Variants in TRIP4 observed in about 807,000 individuals in gnomAD.
The protein encoded by TRIP4 is thyroid hormone receptor interactor 4.
Under a neutral mutation model 81.8 loss-of-function variants are expected in TRIP4, and 54 were observed. The observed-to-expected ratio is 0.66, with a 90% CI of 0.53 to 0.83. TRIP4 has a LOEUF of 0.83. TRIP4 is among the 40% of genes least tolerant of loss of function. TRIP4 has a pLI of 0.00. For missense variants in TRIP4, 662 were observed against 683.6 expected, an observed-to-expected ratio of 0.97 and a Z score of 0.35; for synonymous variants, 270 against 242.8, an observed-to-expected ratio of 1.11 and a Z score of -1.04.
In TRIP4 at chr15:64,387,969, G is replaced by C; in HGVS notation, c.101+5G>C. 1 of 1,548,604 alleles carries C rather than the reference G, an allele frequency of 6.5e-7. No homozygotes were observed. The highest frequency in any genetic ancestry group is 8.7e-7 in the Non-Finnish European group (1 of 1,145,326). ...TGTCAGCGAGGAGATCATTCAGTGA[G>C]AACAGTTCGGGTCCAAGCGGGGAAG... On this transcript the variant is annotated splice_donor_5th_base_variant and intron_variant, in intron 1 of 12. Coordinates refer to ENST00000261884, the MANE Select transcript of TRIP4 (RefSeq NM_016213.5).
intron 9 of TRIP4, among the ~76,000 whole-genome samples, chr15:64,422,057 A>T (rs1350832151): frequency 1.3e-5 from 2 of 151,992 alleles, no homozygotes; most frequent in Non-Finnish European, 2.9e-5. Flanking sequence ...AAGAGGCTAT[A>T]CCATAGCCTA....
intron 1 of TRIP4, among the ~76,000 whole-genome samples, chr15:64,391,970 C>CAAA (rs35193532): frequency 9.5e-4 from 22 of 23,228 alleles, no homozygotes; most frequent in East Asian, 1.5e-3. Context: ...GACTCTGTCT[C>CAAA]AAAAAAAAAA....
chr15:64,414,807 G>C (rs543349874), intron 8 of TRIP4, among the ~76,000 whole-genome samples: 1 of 152,032 alleles, frequency 6.6e-6, no homozygotes, highest in South Asian at 2.1e-4. Flanking sequence ...GGTTTTATAG[G>C]GAAGCTGGCA....
At chr15:64,429,325 ATAAAAT>A (rs1213550787) in intron 11 of TRIP4, among the ~76,000 whole-genome samples, 2 of 152,190 alleles carry the variant, frequency 1.3e-5, no homozygotes, top group African/African-American at 4.8e-5. Context: ...CTCAAAAAAA[ATAAAAT>A]AAAAATAAAA....
At chr15:64,435,117 G>A (rs1388238373) in intron 11 of TRIP4, among the ~76,000 whole-genome samples, 3 of 150,136 alleles carry the variant, frequency 2.0e-5, no homozygotes, top group East Asian at 2.0e-4. Flanking sequence ...TAAGGAGGCC[G>A]AGGTGGGAGG....
At position 64,414,134 on chromosome 15, in the gene TRIP4, C is replaced by A; in HGVS notation, c.1093C>A (p.Leu365Met). 1 of 1,614,172 alleles carries A rather than the reference C, an allele frequency of 6.2e-7. No homozygotes were observed. The highest frequency in any genetic ancestry group is 8.5e-7 in the Non-Finnish European group (1 of 1,180,022). Reference protein sequence around the residue: ...AIANGTLNQPLTKLDRSSEEP... With the variant: ...AIANGTLNQPMTKLDRSSEEP... ...TGCCAATGGAACCTTGAACCAGCCA[C>A]TGACCAAATTGGATAGATCTTCTGA... The change falls in exon 8 of 13, where the codon CTG becomes ATG. Residue 365 changes from leucine to methionine, a missense_variant. By Grantham distance (15) the Leu-to-Met change is conservative. Transcript: ENST00000261884.
intron 5 of TRIP4, among the ~76,000 whole-genome samples, chr15:64,405,632 C>T (rs923558035): frequency 6.6e-6 from 1 of 152,146 alleles, no homozygotes; most frequent in East Asian, 1.9e-4. Context: ...TGAAACTGTT[C>T]ATTTTTTCTG....
chr15:64,411,473 T>TA (rs1465028633), intron 7 of TRIP4, among the ~76,000 whole-genome samples: 2 of 152,012 alleles, frequency 1.3e-5, no homozygotes, highest in Admixed American at 6.6e-5. Flanking sequence ...AAAACTGCTC[T>TA]AAAAAATAAA....
chr15:64,424,056 C>T lies in TRIP4; in HGVS notation c.1384C>T (p.Pro462Ser). The T allele has an allele frequency of 6.2e-7, 1 of 1,614,086 alleles. No homozygotes were observed. Among genetic ancestry groups the T allele is most frequent in the Non-Finnish European group, 8.5e-7 (1 of 1,180,018 alleles). The change falls in exon 10 of 13, where the codon CCC becomes TCC. Residue 462 changes from proline to serine, a missense_variant. Physicochemically the swap from Pro to Ser is moderately conservative, Grantham distance 74. Transcript: ENST00000261884. ...KRVEGRSWYT[P>S]HRGRLWIAAT... ...GGTGGAGGGCAGATCCTGGTACACC[C>T]CCCACAGAGGACGACTTTGGATAGC...
At chr15:64,446,158 C>T (rs1229656015) in intron 12 of TRIP4, among the ~76,000 whole-genome samples, 2 of 151,836 alleles carry the variant, frequency 1.3e-5, no homozygotes, top group African/African-American at 4.8e-5. Context: ...CCTGTAATCC[C>T]AGCTACTCGG....
chr15:64,435,966 G>A (rs1018333333), intron 11 of TRIP4, among the ~76,000 whole-genome samples: 6 of 149,906 alleles, frequency 4.0e-5, no homozygotes, highest in Admixed American at 6.7e-5. Context: ...ATGTCACCAT[G>A]CCCTTGTCCA....
chr15:64,398,651 G>A (rs965575627), intron 4 of TRIP4, among the ~76,000 whole-genome samples: 1 of 152,032 alleles, frequency 6.6e-6, no homozygotes, highest in African/African-American at 2.4e-5. Flanking sequence ...AACATACATT[G>A]TTGAGAGATC....
At position 64,410,709 on chromosome 15, in the gene TRIP4, T is replaced by G. The variant is rs374506764; in HGVS notation, c.1043+881T>G. Reference sequence around the variant, plus strand: ...AGCTCTTCCTAAGCAAGATACAAAATCCTGAAGTCATGAAGATATAAGATA... The same window carrying G: ...AGCTCTTCCTAAGCAAGATACAAAAGCCTGAAGTCATGAAGATATAAGATA... On this transcript the variant is annotated intron_variant, in intron 7 of 12. Coordinates refer to ENST00000261884, the MANE Select transcript of TRIP4 (RefSeq NM_016213.5). Among the ~76,000 whole-genome samples the G allele has an allele frequency of 7.5e-4, 114 of 152,128 alleles. 3 individuals carry two copies. The South Asian group carries it at 0.023, about 31-fold the overall frequency.
intron 3 of TRIP4, 35 bp downstream of exon 3, chr15:64,395,566 T>C: frequency 1.9e-6 from 3 of 1,584,282 alleles, no homozygotes; most frequent in Non-Finnish European, 2.6e-6. Context: ...TTTCTGACTA[T>C]TGGAGAAGAG....
In TRIP4 at chr15:64,400,734, A is replaced by C. The variant is rs374201058; in HGVS notation, c.619-9A>C. On this transcript the variant is annotated splice_polypyrimidine_tract_variant and intron_variant, in intron 4 of 12. Transcript: ENST00000261884. Reference sequence around the variant, plus strand: ...TTGGATCACATGTCTTACTCTTACTATTTTACAGGTGTGTACTCATGAGGA... The same window carrying C: ...TTGGATCACATGTCTTACTCTTACTCTTTTACAGGTGTGTACTCATGAGGA... 4.3e-6 allele frequency: 7 copies of C among 1,611,234 alleles called. No homozygotes were observed. The highest frequency in any genetic ancestry group is 5.9e-6 in the Non-Finnish European group (7 of 1,177,676).
intron 7 of TRIP4, among the ~76,000 whole-genome samples, 167 bp downstream of exon 7, chr15:64,409,995 A>T (rs911572154): frequency 8.6e-5 from 13 of 151,472 alleles, no homozygotes; most frequent in Non-Finnish European, 1.8e-4. Flanking sequence ...GAGCACTCCT[A>T]CCAGATAATT....
At chr15:64,402,360 T>C (rs1891529752) in intron 5 of TRIP4, among the ~76,000 whole-genome samples, 1 of 151,316 alleles carries the variant, frequency 6.6e-6, no homozygotes, top group Admixed American at 6.6e-5. Context: ...GTAGGTGGGA[T>C]TACAGGCATG....
intron 12 of TRIP4, among the ~76,000 whole-genome samples, chr15:64,447,134 CA>C (rs11347338): frequency 0.052 from 7,838 of 151,626 alleles, 284 homozygotes; most frequent in African/African-American, 0.098. Context: ...CAAAAACAAA[CA>C]AAAAAAACAC....
chr15:64,439,992 C>T (rs962683533), intron 11 of TRIP4, among the ~76,000 whole-genome samples: 3 of 151,990 alleles, frequency 2.0e-5, no homozygotes, highest in Admixed American at 2.0e-4. Context: ...TCCACTGAAT[C>T]AGTGGTGGTT....
Sources: allele counts gnomAD v4.1 joint callset (sites outside exome capture counted in the v4.1 genomes callset), GRCh38; gene constraint gnomAD v4.1.1; transcripts MANE v1.5; gene names NCBI Gene and HGNC (gene_info 2026-07-23, HGNC 2026-07-21).